RTN4IP1: variants seen among roughly 807,000 people sequenced by gnomAD.
RTN4IP1 encodes the protein NAD(P)H oxidoreductase RTN4IP1, mitochondrial.
A neutral mutation model predicts 46.6 loss-of-function variants in RTN4IP1; 32 were observed. That is an observed-to-expected ratio of 0.69 (90% confidence interval 0.52 to 0.92). The LOEUF (loss-of-function observed/expected upper bound fraction) is 0.92. Ranked by LOEUF, RTN4IP1 falls within the 40% of genes least tolerant of loss-of-function variation. RTN4IP1 has a pLI of 0.00. For missense variants in RTN4IP1, 424 were observed against 485.8 expected, an observed-to-expected ratio of 0.87 and a Z score of 1.20; for synonymous variants, 167 against 161.8, an observed-to-expected ratio of 1.03 and a Z score of -0.24.
At chr6:106,613,786 T>C (rs1776285638) in intron 4 of RTN4IP1, among the ~76,000 whole-genome samples, 1 of 152,186 alleles carries the variant, frequency 6.6e-6, no homozygotes, top group Non-Finnish European at 1.5e-5. Context: ...ATTTACAGTC[T>C]ATTCTCTCTA....
rs192510519 is a variant in RTN4IP1, at chr6:106,604,404, C to A, written c.621-1482G>T. ...AAAGATCCTGTTAGGGTTCAGAAAA[C>A]AATACCCCAGAGTATGTCACTTTGA... On this transcript the variant is annotated intron_variant, in intron 4 of 8. Coordinates refer to ENST00000369063, the MANE Select transcript of RTN4IP1 (RefSeq NM_032730.5). 7.2e-5 allele frequency among the ~76,000 whole-genome samples: 11 copies of A among 152,160 alleles called. No homozygotes were observed. In the East Asian group the frequency reaches 1.9e-3, roughly 27 times the overall value.
chr6:106,572,302 G>C, intron 8 of RTN4IP1, 199 bp from the exon 9 acceptor site: 1 of 580,822 alleles, frequency 1.7e-6, no homozygotes. Context: ...TCTCTTTATG[G>C]CCCCTCCCAC....
At chr6:106,605,580 G>A (rs1312009598) in intron 4 of RTN4IP1, among the ~76,000 whole-genome samples, 5 of 151,938 alleles carry the variant, frequency 3.3e-5, no homozygotes, top group Admixed American at 6.6e-5. Flanking sequence ...TTGGGAGGCC[G>A]AGGTGGGCAG....
At chr6:106,610,531 G>A (rs1244364328) in intron 4 of RTN4IP1, among the ~76,000 whole-genome samples, 1 of 152,164 alleles carries the variant, frequency 6.6e-6, no homozygotes, top group East Asian at 1.9e-4. Flanking sequence ...CCTACACAGT[G>A]GGAATACTTT....
At chr6:106,593,328 T>C (rs1444691115) in intron 5 of RTN4IP1, among the ~76,000 whole-genome samples, 1 of 152,198 alleles carries the variant, frequency 6.6e-6, no homozygotes, top group Non-Finnish European at 1.5e-5. Context: ...TAAATTCTAA[T>C]GTTATTCAGA....
intron 2 of RTN4IP1, 119 bp downstream of exon 2, chr6:106,622,699 G>GA: frequency 9.8e-7 from 1 of 1,021,946 alleles, no homozygotes; most frequent in East Asian, 2.6e-5. Flanking sequence ...TCAGGGAGCA[G>GA]AAGCCCCTTA....
intron 5 of RTN4IP1, among the ~76,000 whole-genome samples, chr6:106,602,672 G>A (rs1775975301): frequency 6.6e-6 from 1 of 151,666 alleles, no homozygotes; most frequent in Non-Finnish European, 1.5e-5. Flanking sequence ...CTCCAGCCTG[G>A]GTGACACAGC....
intron 4 of RTN4IP1, among the ~76,000 whole-genome samples, chr6:106,605,864 A>C (rs1483953552): frequency 1.3e-5 from 2 of 150,402 alleles, no homozygotes; most frequent in Admixed American, 6.6e-5. Context: ...CAGAGACTAC[A>C]CTACTGCGCT....
intron 4 of RTN4IP1, among the ~76,000 whole-genome samples, chr6:106,617,837 A>G (rs975009717): frequency 6.6e-6 from 1 of 152,226 alleles, no homozygotes; most frequent in African/African-American, 2.4e-5. Context: ...TAGAAAACAT[A>G]ATGTTTTTAA....
intron 8 of RTN4IP1, among the ~76,000 whole-genome samples, chr6:106,580,698 G>A (rs1418353447): frequency 4.9e-5 from 7 of 142,578 alleles, no homozygotes; most frequent in Admixed American, 3.1e-4. Context: ...CAGCCTCGGC[G>A]ACAGAGCAAG....
intron 8 of RTN4IP1, among the ~76,000 whole-genome samples, chr6:106,575,486 C>A (rs1775204557): frequency 6.6e-6 from 1 of 152,132 alleles, no homozygotes; most frequent in Non-Finnish European, 1.5e-5. Context: ...TTGCTGCTTA[C>A]AAGACGCTAG....
chr6:106,598,593 T>G (rs567595655), intron 5 of RTN4IP1, among the ~76,000 whole-genome samples: 2 of 152,078 alleles, frequency 1.3e-5, no homozygotes, highest in East Asian at 1.9e-4. Context: ...ATTCTGGATA[T>G]TAGCCCTTTG....
intron 4 of RTN4IP1, 108 bp downstream of exon 4, chr6:106,619,093 CT>C: frequency 1.6e-6 from 2 of 1,232,892 alleles, no homozygotes; most frequent in Non-Finnish European, 2.3e-6. Context: ...TAGTACAGCT[CT>C]GTTCGTGTAA....
intron 8 of RTN4IP1, among the ~76,000 whole-genome samples, chr6:106,574,653 G>A (rs760182719): frequency 1.3e-5 from 2 of 152,168 alleles, no homozygotes; most frequent in Non-Finnish European, 2.9e-5. Flanking sequence ...TGCTTCCCCA[G>A]TGATCTGTAT....
At chr6:106,618,012 A>T (rs1776394674) in intron 4 of RTN4IP1, among the ~76,000 whole-genome samples, 1 of 152,238 alleles carries the variant, frequency 6.6e-6, no homozygotes, top group African/African-American at 2.4e-5. Flanking sequence ...GTTGACCAAA[A>T]TGGCAACTTC....
chr6:106,580,655 GT>G (rs1775344744), intron 8 of RTN4IP1, among the ~76,000 whole-genome samples: 1 of 149,040 alleles, frequency 6.7e-6, no homozygotes, highest in South Asian at 2.1e-4. Context: ...GGAAGTGGAG[GT>G]TGCAGTGAGC....
chr6:106,622,952 C>G lies in RTN4IP1; in HGVS notation c.292G>C (p.Ala98Pro), dbSNP rs772612573. 1.2e-6 allele frequency: 2 copies of G among 1,614,126 alleles called. No individual in the cohort carries two copies. Among genetic ancestry groups the G allele is most frequent in the Non-Finnish European group, 1.7e-6 (2 of 1,179,986 alleles). The change falls in exon 2 of 9, where the codon GCT becomes CCT. Residue 98 changes from alanine (A) to proline (P), a missense_variant. Transcript: ENST00000369063. ...VNMRSGYGATALNMKRDPLHV... is the reference protein window; with the variant it reads ...VNMRSGYGATPLNMKRDPLHV... ...AAAGGATCACGCTTCATATTTAAAG[C>G]TGTAGCTCCATAACCACCTGTAAAA...
Position 106,622,882 on chromosome 6 carries a change from C to T in RTN4IP1, c.362G>A (p.Arg121Gln), listed in dbSNP as rs760154556. 1.8e-5 allele frequency: 29 copies of T among 1,613,990 alleles called. No individual in the cohort carries two copies. In the East Asian group the frequency reaches 2.2e-4, roughly 12 times the overall value. The change falls in exon 2 of 9, where the codon CGG (arginine) becomes CAG (glutamine). Residue 121 changes from arginine to glutamine, a missense_variant. By Grantham distance (43) the Arg-to-Gln change is conservative (BLOSUM62 1). Transcript: ENST00000369063. ...TTCCATCACCACGCCAGAGACATCC[C>T]GACCCAGAGTCAGAGGAAATTCTTC... ...KGEEFPLTLG[R>Q]DVSGVVMECG...
intron 5 of RTN4IP1, among the ~76,000 whole-genome samples, chr6:106,601,650 A>T (rs958136730): frequency 2.6e-5 from 4 of 152,042 alleles, no homozygotes; most frequent in African/African-American, 9.7e-5. Context: ...TGCACTCATC[A>T]CCCAGGCTGG....
Sources: gnomAD v4.1 joint callset for allele counts (sites outside exome capture counted in the v4.1 genomes callset) on GRCh38, gnomAD v4.1.1 for gene constraint, MANE v1.5 for transcripts, NCBI Gene and HGNC (gene_info 2026-07-23, HGNC 2026-07-21) for gene names.